The following IL1RAPL2 variants were observed in gnomAD, a reference collection of about 807,000 sequenced individuals.
IL1RAPL2 encodes the protein interleukin 1 receptor accessory protein like 2, also known as X-linked interleukin-1 receptor accessory protein-like 2.
In IL1RAPL2, 3 loss-of-function variants were observed where a neutral mutation model predicts 44.1. The observed-to-expected ratio is 0.07, with a 90% CI of 0.03 to 0.18. The LOEUF is 0.18. Among genes scored for constraint, IL1RAPL2 ranks in the 10% least tolerant of loss-of-function variants. The pLI is 1.00. For synonymous variants in IL1RAPL2, 181 were observed against 178.8 expected, an observed-to-expected ratio of 1.01 and a Z score of -0.10; for missense variants, 391 against 496.4, an observed-to-expected ratio of 0.79 and a Z score of 2.02.
intron 2 of IL1RAPL2, among the ~76,000 whole-genome samples, chrX:105,180,823 T>C (rs1013346066): frequency 1.8e-5 from 2 of 112,112 alleles, no homozygotes; most frequent in African/African-American, 6.5e-5. Context: ...CTGGTTTTGC[T>C]ATCAGTGTGA....
intron 6 of IL1RAPL2, among the ~76,000 whole-genome samples, chrX:105,699,798 C>T (rs1183673102): frequency 9.0e-6 from 1 of 111,454 alleles, no homozygotes; most frequent in Non-Finnish European, 1.9e-5. Context: ...GAACATAAAA[C>T]TTGCTGTGCC....
intron 2 of IL1RAPL2, among the ~76,000 whole-genome samples, chrX:104,761,887 C>T (rs866674634): frequency 3.7e-5 from 2 of 53,472 alleles, no homozygotes; most frequent in African/African-American, 1.1e-4. Context: ...TTCTCCTTCT[C>T]CTTCTCCTTC....
At chrX:104,909,521 TG>T (rs959916196) in intron 2 of IL1RAPL2, among the ~76,000 whole-genome samples, 3 of 111,837 alleles carry the variant, frequency 2.7e-5, no homozygotes, top group African/African-American at 9.8e-5. Context: ...GATGGGTTTT[TG>T]GTGTGGATGT....
At chrX:105,696,049 G>A (rs1051919095) in intron 6 of IL1RAPL2, among the ~76,000 whole-genome samples, 3 of 111,955 alleles carry the variant, frequency 2.7e-5, no homozygotes, top group Admixed American at 9.5e-5. Flanking sequence ...CATGTATCCT[G>A]ACTCTGCTCT....
In IL1RAPL2 at chrX:105,263,951, A is replaced by T. The variant is rs140555233; in HGVS notation, c.544-3437A>T. Among the ~76,000 whole-genome samples the T allele has an allele frequency of 3.4e-3, 379 of 111,691 alleles. 1 individual carries two copies. The highest frequency in any genetic ancestry group is 6.1e-3 in the Non-Finnish European group (323 of 53,139). The stretch of plus-strand genomic sequence containing the variant: ...CTTTGGTGGTTTGTCCTGGCCTCAG[A>T]CAACCATCTTGAGACTTGACCTATG... On this transcript the variant is annotated intron_variant, in intron 4 of 10. Coordinates refer to ENST00000372582, the MANE Select transcript of IL1RAPL2 (RefSeq NM_017416.2).
intron 4 of IL1RAPL2, among the ~76,000 whole-genome samples, chrX:105,255,723 T>C (rs749753256): frequency 2.6e-4 from 29 of 112,109 alleles, no homozygotes; most frequent in African/African-American, 8.4e-4. Context: ...AGCATCCTTG[T>C]CTTGTGCCAG....
intron 2 of IL1RAPL2, among the ~76,000 whole-genome samples, chrX:104,720,847 C>CT (rs1381627912): frequency 2.7e-5 from 3 of 111,290 alleles, no homozygotes; most frequent in Non-Finnish European, 3.8e-5. Flanking sequence ...GCCTGATGAA[C>CT]TGAGAAGAGC....
chrX:105,475,693 A>G (rs1186785246), intron 5 of IL1RAPL2, among the ~76,000 whole-genome samples: 1 of 110,567 alleles, frequency 9.0e-6, no homozygotes, highest in East Asian at 2.8e-4. Flanking sequence ...GAAGAAAAAA[A>G]AAAAAACAAA....
At chrX:104,885,530 C>T (rs80241627) in intron 2 of IL1RAPL2, among the ~76,000 whole-genome samples, 2,794 of 111,594 alleles carry the variant, frequency 0.025, 38 homozygotes, top group Non-Finnish European at 0.039. Flanking sequence ...AGTTTATTAC[C>T]CAATCAGCCG....
chrX:105,447,408 A>T (rs1269621640), intron 5 of IL1RAPL2, among the ~76,000 whole-genome samples: 1 of 71,152 alleles, frequency 1.4e-5, no homozygotes, highest in Non-Finnish European at 2.3e-5. Flanking sequence ...TAAATATATA[A>T]ATATAAATAT....
chrX:105,089,537 C>G (rs1178996172), intron 2 of IL1RAPL2, among the ~76,000 whole-genome samples: 1 of 111,077 alleles, frequency 9.0e-6, no homozygotes, highest in East Asian at 2.8e-4. Context: ...ACCTCATTTT[C>G]CATCCCCTAC....
At chrX:105,366,966 T>C (rs1356124852) in intron 5 of IL1RAPL2, among the ~76,000 whole-genome samples, 6 of 111,768 alleles carry the variant, frequency 5.4e-5, no homozygotes, top group Non-Finnish European at 1.1e-4. Flanking sequence ...TGAATTATAA[T>C]TTATCTCTCC....
intron 5 of IL1RAPL2, among the ~76,000 whole-genome samples, chrX:105,359,808 C>T (rs763973001): frequency 4.5e-5 from 5 of 109,988 alleles, no homozygotes; most frequent in African/African-American, 1.3e-4. Context: ...CATTGGTTAT[C>T]GTTCACCAAT....
intron 3 of IL1RAPL2, among the ~76,000 whole-genome samples, chrX:105,221,946 A>C (rs971443671): frequency 1.8e-5 from 2 of 111,844 alleles, no homozygotes. Flanking sequence ...ATGCCCACTT[A>C]GGGAATGTCC....
At chrX:104,807,481 C>T (rs1386143331) in intron 2 of IL1RAPL2, among the ~76,000 whole-genome samples, 1 of 111,726 alleles carries the variant, frequency 9.0e-6, no homozygotes, top group Non-Finnish European at 1.9e-5. Flanking sequence ...GAGAACAAAA[C>T]ATCTCTTAGG....
At chrX:104,592,251 T>A (rs755537263) in intron 1 of IL1RAPL2, among the ~76,000 whole-genome samples, 16 of 105,212 alleles carry the variant, frequency 1.5e-4, no homozygotes, top group Non-Finnish European at 2.1e-4. Context: ...TTTTATCTGG[T>A]TTTGGAGTGC....
intron 2 of IL1RAPL2, among the ~76,000 whole-genome samples, chrX:104,688,069 C>CT (rs1931019415): frequency 8.9e-6 from 1 of 112,101 alleles, no homozygotes; most frequent in African/African-American, 3.2e-5. Flanking sequence ...ATGCCCATCT[C>CT]TCCCCGCCAG....
At chrX:104,867,739 G>A (rs779948164) in intron 2 of IL1RAPL2, among the ~76,000 whole-genome samples, 1 of 112,037 alleles carries the variant, frequency 8.9e-6, no homozygotes, top group Non-Finnish European at 1.9e-5. Context: ...TACACTCTTT[G>A]CAGTATGACT....
At chrX:105,619,037 C>T (rs1406784832) in intron 6 of IL1RAPL2, among the ~76,000 whole-genome samples, 2 of 110,209 alleles carry the variant, frequency 1.8e-5, no homozygotes, top group Non-Finnish European at 1.9e-5. Context: ...AGTTCTTAGT[C>T]GGGACAGACT....
Sources: gnomAD v4.1 joint callset for allele counts (sites outside exome capture counted in the v4.1 genomes callset) on GRCh38, gnomAD v4.1.1 for gene constraint, MANE v1.5 for transcripts, NCBI Gene and HGNC (gene_info 2026-07-23, HGNC 2026-07-21) for gene names.